MAPT: variants seen among roughly 807,000 people sequenced by gnomAD.
The protein encoded by MAPT is microtubule associated protein tau, also known as microtubule-associated protein tau.
Under a neutral mutation model 67.9 loss-of-function variants are expected in MAPT, and 34 were observed. The ratio of observed to expected loss-of-function variants is 0.50; its 90% CI spans 0.38 to 0.67. The LOEUF is 0.67. MAPT is among the 30% of genes least tolerant of loss of function. MAPT has a pLI of 0.00. For synonymous variants in MAPT, 456 were observed against 464.5 expected (o/e 0.98, Z 0.23); for missense variants, 881 against 1,115.2 (o/e 0.79, Z 2.99).
chr17:45,989,855 T>C, intron 6 of MAPT, 23 bp from the exon 7 acceptor site: 1 of 1,609,354 alleles, frequency 6.2e-7, no homozygotes. Flanking sequence ...TTTATTTTGA[T>C]TTTATTTATG....
intron 1 of MAPT, among the ~76,000 whole-genome samples, chr17:45,905,976 C>A (rs935426337): frequency 6.6e-6 from 1 of 152,208 alleles, no homozygotes; most frequent in Non-Finnish European, 1.5e-5. Flanking sequence ...TGCCACCTGG[C>A]TCCCTTAGCG....
chr17:46,017,440 A>ATTTTTTTTTTTT lies in MAPT; in HGVS notation c.2174-1159_2174-1148dup, dbSNP rs76980614. Among the ~76,000 whole-genome samples the ATTTTTTTTTTTT allele has an allele frequency of 7.9e-3, 499 of 62,960 alleles. 40 individuals are homozygous for ATTTTTTTTTTTT. Among genetic ancestry groups the ATTTTTTTTTTTT allele is most frequent in the Non-Finnish European group, 0.012 (400 of 34,392 alleles). The allele number at this position is 62,960 out of a possible 152,430, so 41.3% of individuals were successfully genotyped here. ...AGGCACATGCCAACATGCCTGGCTAATTTTTTTTTTTTTTTTTTTTTTTTT... is the reference window on the plus strand; with the variant it reads ...AGGCACATGCCAACATGCCTGGCTAATTTTTTTTTTTTTTTTTTTTTTTTTTTTTTTTTTTTT... On this transcript the variant is annotated intron_variant, in intron 11 of 12. Coordinates refer to ENST00000262410, the MANE Select transcript of MAPT (RefSeq NM_001377265.1).
intron 1 of MAPT, among the ~76,000 whole-genome samples, chr17:45,924,519 G>A (rs1005938732): frequency 6.6e-6 from 1 of 152,226 alleles, no homozygotes; most frequent in African/African-American, 2.4e-5. Context: ...CCAAAAGTAT[G>A]GGAAGAAAGC....
chr17:45,941,703 CTGCCTT>C (rs2067972874), intron 1 of MAPT, among the ~76,000 whole-genome samples: 1 of 67,962 alleles, frequency 1.5e-5, no homozygotes, highest in Non-Finnish European at 3.1e-5. Flanking sequence ...TCCTTCCTGC[CTGCCTT>C]CCTTCCTTCC....
At chr17:45,990,290 A>G (rs2073956595) in intron 7 of MAPT, among the ~76,000 whole-genome samples, 1 of 152,170 alleles carries the variant, frequency 6.6e-6, no homozygotes, top group African/African-American at 2.4e-5. Context: ...AGCAGCTCCT[A>G]AGACACCTGG....
intron 4 of MAPT, 125 bp downstream of exon 4, chr17:45,978,565 T>G (rs2072624717): frequency 2.7e-6 from 2 of 746,952 alleles, no homozygotes; most frequent in Non-Finnish European, 4.4e-6. Flanking sequence ...TTTTAGGGAG[T>G]TGGTTCTTAT....
At chr17:45,994,981 G>A (rs2074357340) in intron 8 of MAPT, among the ~76,000 whole-genome samples, 1 of 152,110 alleles carries the variant, frequency 6.6e-6, no homozygotes, top group African/African-American at 2.4e-5. Flanking sequence ...CCATGCAGCG[G>A]AGGTTGCAGT....
In MAPT at chr17:45,996,673, G is replaced by A. The variant is rs1226424230; in HGVS notation, c.1998+9G>A. 6.2e-7 allele frequency: 1 copy of A among 1,613,248 alleles called. No individual in the cohort carries two copies. Reference sequence around the variant, plus strand: ...AGCCGGGAGGCGGGAAGGTGAGAGTGGCTGGCTGCGCGTGGAGGTGTGGGG... The same window carrying A: ...AGCCGGGAGGCGGGAAGGTGAGAGTAGCTGGCTGCGCGTGGAGGTGTGGGG... On this transcript the variant is annotated intron_variant, in intron 9 of 12. Coordinates refer to ENST00000262410, the MANE Select transcript of MAPT (RefSeq NM_001377265.1). This position sits in a 1 kb window ranked among gnomAD's most constrained non-coding sequence, Gnocchi z 4.5.
At chr17:45,997,615 G>T (rs1014883536) in intron 9 of MAPT, among the ~76,000 whole-genome samples, 19 of 152,080 alleles carry the variant, frequency 1.2e-4, no homozygotes, top group African/African-American at 4.6e-4. Flanking sequence ...AAAATACCTG[G>T]GCGTGGTGGT....
rs933178147 is a variant in MAPT, at chr17:45,996,759, G to A, written c.1998+95G>A. On this transcript the variant is annotated intron_variant, in intron 9 of 12. Coordinates refer to ENST00000262410, the MANE Select transcript of MAPT (RefSeq NM_001377265.1). The surrounding 1 kb of genome is among the most constrained non-coding windows in gnomAD (Gnocchi z 4.5). Reference sequence around the variant, plus strand: ...GGTAGGGCTGCGCCTGGAGGTGCGCGGTTGAGCGTGGAGTCGTGGGACTGT... The same window carrying A: ...GGTAGGGCTGCGCCTGGAGGTGCGCAGTTGAGCGTGGAGTCGTGGGACTGT... 3.6e-5 allele frequency: 55 copies of A among 1,518,972 alleles called. No individual in the cohort carries two copies. The highest frequency in any genetic ancestry group is 5.0e-5 in the South Asian group (4 of 79,498). The allele number at this position is 1,518,972 out of a possible 1,614,324, so 94.1% of individuals were successfully genotyped here. A position where few individuals can be genotyped will look rare whatever the true frequency, so the allele number is the denominator to read the frequency against.
chr17:46,018,597 C>T (rs750403805), intron 11 of MAPT, 21 bp from the exon 12 acceptor site: 3 of 1,516,106 alleles, frequency 2.0e-6, no homozygotes, highest in Admixed American at 1.7e-5. Context: ...GCAAGATGCT[C>T]TTGTGTGTGT....
At chr17:45,919,850 C>T (rs573696024) in intron 1 of MAPT, among the ~76,000 whole-genome samples, 22 of 152,206 alleles carry the variant, frequency 1.4e-4, no homozygotes, top group Non-Finnish European at 2.5e-4. Context: ...GAGTTTGAGG[C>T]TGCAGTGAGC....
At chr17:45,909,869 CAAAAA>C (rs59131080) in intron 1 of MAPT, among the ~76,000 whole-genome samples, 3 of 59,860 alleles carry the variant, frequency 5.0e-5, no homozygotes, top group Non-Finnish European at 9.1e-5. Flanking sequence ...GACTCTGTCT[CAAAAA>C]AAAAAAAAAA....
chr17:45,897,269 C>T lies in MAPT; in HGVS notation c.-18+2583C>T, dbSNP rs1388232156. On this transcript the variant is annotated intron_variant, in intron 1 of 12. Coordinates refer to ENST00000262410, the MANE Select transcript of MAPT (RefSeq NM_001377265.1). The surrounding 1 kb of genome is among the most constrained non-coding windows in gnomAD (Gnocchi z 5.0). Reference sequence around the variant, plus strand: ...CGGCCACGGCTACGTATTGCCATCTCGCGAGCAGAGATGTCACCTCCTGCC... The same window carrying T: ...CGGCCACGGCTACGTATTGCCATCTTGCGAGCAGAGATGTCACCTCCTGCC... The T allele has an allele frequency of 6.6e-6, 1 of 152,284 alleles. No individual in the cohort carries two copies. Among genetic ancestry groups the T allele is most frequent in the Non-Finnish European group, 1.5e-5 (1 of 68,070 alleles). 9.4% of individuals were successfully genotyped at this position (152,284 alleles called of 1,614,324 possible). A position where few individuals can be genotyped will look rare whatever the true frequency, so the allele number is the denominator to read the frequency against.
chr17:45,923,954 T>A (rs2066010463), intron 1 of MAPT, among the ~76,000 whole-genome samples: 1 of 152,204 alleles, frequency 6.6e-6, no homozygotes, highest in African/African-American at 2.4e-5. Context: ...TTAAATGAAT[T>A]AAGATGGGTA....
intron 1 of MAPT, among the ~76,000 whole-genome samples, chr17:45,950,985 G>C (rs1462865118): frequency 6.6e-6 from 1 of 152,174 alleles, no homozygotes; most frequent in Non-Finnish European, 1.5e-5. Context: ...CTTATTAAAA[G>C]ACTGTGGTGT....
At chr17:45,899,710 G>A (rs1176109523) in intron 1 of MAPT, among the ~76,000 whole-genome samples, 2 of 152,120 alleles carry the variant, frequency 1.3e-5, no homozygotes, top group African/African-American at 2.4e-5. Flanking sequence ...GTCTGTAATC[G>A]GAGCATGACC....
At chr17:46,002,753 T>A (rs1244099142) in intron 9 of MAPT, among the ~76,000 whole-genome samples, 1 of 152,134 alleles carries the variant, frequency 6.6e-6, no homozygotes, top group African/African-American at 2.4e-5. Flanking sequence ...GGCCGCAGCC[T>A]GGGTGGCTGC....
At chr17:45,982,676 G>A (rs879451421) in intron 4 of MAPT, among the ~76,000 whole-genome samples, 190 bp from the exon 5 acceptor site, 9 of 152,040 alleles carry the variant, frequency 5.9e-5, no homozygotes, top group Non-Finnish European at 7.4e-5. Flanking sequence ...AGCTGGTGGC[G>A]GCTAGACCAG....
Sources: allele counts gnomAD v4.1 joint callset (sites outside exome capture counted in the v4.1 genomes callset), GRCh38; gene constraint gnomAD v4.1.1; non-coding constraint Gnocchi (gnomAD v3.1); transcripts MANE v1.5; gene names NCBI Gene and HGNC (gene_info 2026-07-23, HGNC 2026-07-21).